Variants in STAU2 observed in about 807,000 individuals in gnomAD.
STAU2 encodes double-stranded RNA-binding protein Staufen homolog 2.
Under a neutral mutation model 65.9 loss-of-function variants are expected in STAU2, and 20 were observed. The ratio of observed to expected loss-of-function variants is 0.30; its 90% confidence interval spans 0.21 to 0.44. STAU2 has a LOEUF of 0.44. Among genes scored for constraint, STAU2 ranks in the 20% least tolerant of loss-of-function variants. STAU2 has a pLI of 1.00. For synonymous variants in STAU2, 232 were observed against 233.9 expected (o/e 0.99, Z 0.07); for missense variants, 558 against 683.9 (o/e 0.82, Z 2.05).
chr8:73,733,510 A>T (rs1185408718), intron 3 of STAU2, among the ~76,000 whole-genome samples: 1 of 152,228 alleles, frequency 6.6e-6, no homozygotes, highest in Non-Finnish European at 1.5e-5. Flanking sequence ...CATACTGGTA[A>T]ATATTATGGT....
chr8:73,603,943 C>T, intron 9 of STAU2, 80 bp from the exon 10 acceptor site: 3 of 1,415,792 alleles, frequency 2.1e-6, no homozygotes, highest in Admixed American at 2.5e-5. Context: ...AGTGCTTCTT[C>T]CCTCCACCCC....
At chr8:73,690,920 C>T (rs1017865701) in intron 4 of STAU2, among the ~76,000 whole-genome samples, 2 of 152,102 alleles carry the variant, frequency 1.3e-5, no homozygotes, top group African/African-American at 4.8e-5. Context: ...TTTTCAATGA[C>T]TAGCTCTTTT....
intron 13 of STAU2, among the ~76,000 whole-genome samples, chr8:73,433,273 C>T (rs913410228): frequency 1.1e-4 from 16 of 151,638 alleles, no homozygotes; most frequent in Non-Finnish European, 1.8e-4. Context: ...GGTGCAATCT[C>T]GGCTCACTGG....
At chr8:73,486,713 G>A (rs1020761900) in intron 13 of STAU2, among the ~76,000 whole-genome samples, 1 of 149,608 alleles carries the variant, frequency 6.7e-6, no homozygotes, top group Non-Finnish European at 1.5e-5. Flanking sequence ...GAGTGTAGTG[G>A]CATATTATGG....
At chr8:73,669,421 G>C (rs1227485438) in intron 6 of STAU2, among the ~76,000 whole-genome samples, 1 of 151,872 alleles carries the variant, frequency 6.6e-6, no homozygotes, top group Non-Finnish European at 1.5e-5. Flanking sequence ...TTAGATCTTG[G>C]AACTAGAAAC....
At position 73,720,673 on chromosome 8, in the gene STAU2, C is replaced by T. The variant is rs1426270464; in HGVS notation, c.-17-11511G>A. On this transcript the variant is annotated intron_variant, in intron 3 of 14. Transcript: ENST00000524300. ...GACTACAGGCGCCCGCCACCGCGCC[C>T]GGCTAATTTTTTGTATTTTTAGTAG... Among the ~76,000 whole-genome samples, 9 of 115,036 alleles carry T rather than the reference C, an allele frequency of 7.8e-5. 1 individual carries two copies. The highest frequency in any genetic ancestry group is 1.0e-4 in the Non-Finnish European group (6 of 57,508). The allele number at this position is 115,036 out of a possible 152,430, so 75.5% of individuals were successfully genotyped here.
At position 73,445,012 on chromosome 8, in the gene STAU2, T is replaced by C. The variant is rs183895617; in HGVS notation, c.1531-22310A>G. On this transcript the variant is annotated intron_variant, in intron 13 of 14. Coordinates refer to ENST00000524300, the MANE Select transcript of STAU2 (RefSeq NM_001164380.2). ...GAGCGCCTAGATGGGGAGGCTGTGT[T>C]CCTGGAAGACAAAGAATAGGGCGGA... Among the ~76,000 whole-genome samples, 3 of 152,282 alleles carry C rather than the reference T, an allele frequency of 2.0e-5. 1 individual carries two copies. The highest frequency in any genetic ancestry group is 1.3e-4 in the Admixed American group (2 of 15,296).
chr8:73,587,847 T>C (rs1810485140), intron 11 of STAU2, among the ~76,000 whole-genome samples: 1 of 152,096 alleles, frequency 6.6e-6, no homozygotes, highest in Non-Finnish European at 1.5e-5. Context: ...GAACAGGATA[T>C]TTTGGTATTT....
chr8:73,671,775 C>A (rs1478347854), intron 6 of STAU2, among the ~76,000 whole-genome samples: 1 of 152,230 alleles, frequency 6.6e-6, no homozygotes, highest in Non-Finnish European at 1.5e-5. Context: ...GTAATCCCAG[C>A]ACTTTGGGAG....
intron 13 of STAU2, among the ~76,000 whole-genome samples, chr8:73,442,353 C>CAAAAAAAAAAAAA: frequency 1.0e-5 from 1 of 100,160 alleles, no homozygotes; most frequent in Non-Finnish European, 2.1e-5. Flanking sequence ...GACTCCGTCT[C>CAAAAAAAAAAAAA]AAAAAAAAAA....
At chr8:73,498,982 G>T (rs1243518839) in intron 13 of STAU2, among the ~76,000 whole-genome samples, 1 of 151,766 alleles carries the variant, frequency 6.6e-6, no homozygotes, top group Non-Finnish European at 1.5e-5. Flanking sequence ...CCATAATGTG[G>T]GTGGACCTTA....
intron 12 of STAU2, among the ~76,000 whole-genome samples, chr8:73,572,288 A>T (rs553765417): frequency 1.3e-5 from 2 of 152,362 alleles, no homozygotes; most frequent in African/African-American, 4.8e-5. Context: ...TTCCAGGACC[A>T]GATGGATTCA....
chr8:73,607,084 A>C (rs1563453920), intron 9 of STAU2, among the ~76,000 whole-genome samples: 1 of 152,238 alleles, frequency 6.6e-6, no homozygotes. Flanking sequence ...AGTTTTACAC[A>C]TGCAAACAAA....
intron 4 of STAU2, among the ~76,000 whole-genome samples, chr8:73,698,191 A>G (rs1434032822): frequency 2.6e-5 from 4 of 152,220 alleles, no homozygotes; most frequent in Non-Finnish European, 5.9e-5. Flanking sequence ...AAATTAAAGC[A>G]TACCACCACA....
At chr8:73,560,202 T>G (rs1203489470) in intron 12 of STAU2, among the ~76,000 whole-genome samples, 1 of 149,410 alleles carries the variant, frequency 6.7e-6, no homozygotes, top group Non-Finnish European at 1.5e-5. Context: ...TGACTCAGCC[T>G]CCCGAGTAGC....
At chr8:73,605,108 G>T (rs1293668126) in intron 9 of STAU2, among the ~76,000 whole-genome samples, 1 of 151,996 alleles carries the variant, frequency 6.6e-6, no homozygotes, top group African/African-American at 2.4e-5. Context: ...GCATCAAGAT[G>T]AATGATTTTC....
chr8:73,543,281 G>A (rs895822308), intron 13 of STAU2, among the ~76,000 whole-genome samples: 1 of 152,166 alleles, frequency 6.6e-6, no homozygotes, highest in Non-Finnish European at 1.5e-5. Context: ...TCGGCGGCAA[G>A]GGCGGAGGCA....
At chr8:73,431,917 A>G (rs1368285381) in intron 13 of STAU2, among the ~76,000 whole-genome samples, 1 of 152,256 alleles carries the variant, frequency 6.6e-6, no homozygotes, top group African/African-American at 2.4e-5. Context: ...GCATTCGGCC[A>G]TTCTCTGAGA....
intron 5 of STAU2, among the ~76,000 whole-genome samples, chr8:73,678,369 A>AT (rs58420493): frequency 3.4e-4 from 52 of 150,762 alleles, no homozygotes; most frequent in African/African-American, 5.3e-4. Flanking sequence ...CATCTATAAA[A>AT]TTTTTTTTTT....
Sources: allele counts gnomAD v4.1 joint callset (sites outside exome capture counted in the v4.1 genomes callset), GRCh38; gene constraint gnomAD v4.1.1; transcripts MANE v1.5; gene names NCBI Gene and HGNC (gene_info 2026-07-23, HGNC 2026-07-21).